The following DCC variants were observed in gnomAD, a reference collection of about 807,000 sequenced individuals.
The protein encoded by DCC is netrin receptor DCC.
In DCC, 58 loss-of-function variants were observed where a neutral mutation model predicts 172.5. That is an observed-to-expected ratio of 0.34 (90% CI 0.27 to 0.42). The LOEUF (loss-of-function observed/expected upper bound fraction) is 0.42. DCC is among the 10% of genes least tolerant of loss of function. The pLI is 1.00. For synonymous variants in DCC, 709 were observed against 644.5 expected, an observed-to-expected ratio of 1.10 and a Z score of -1.52; for missense variants, 1,740 against 1,791.0, an observed-to-expected ratio of 0.97 and a Z score of 0.51.
intron 27 of DCC, among the ~76,000 whole-genome samples, chr18:53,504,157 T>C (rs2046140076): frequency 6.6e-6 from 1 of 152,316 alleles, no homozygotes; most frequent in South Asian, 2.1e-4. Context: ...TTGGCAGGCC[T>C]TATTTCAGTA....
intron 28 of DCC, among the ~76,000 whole-genome samples, chr18:53,529,729 A>T (rs2046504458): frequency 6.6e-6 from 1 of 152,146 alleles, no homozygotes; most frequent in Non-Finnish European, 1.5e-5. Context: ...TTTAATTAGG[A>T]TGTCTAGGTT....
chr18:52,631,806 G>GAAGGACTC (rs967193347), intron 1 of DCC, among the ~76,000 whole-genome samples: 2 of 152,182 alleles, frequency 1.3e-5, no homozygotes, highest in African/African-American at 4.8e-5. Context: ...TTGGCCAAAT[G>GAAGGACTC]AAGGACTCAA....
At chr18:52,450,875 C>G (rs1348063049) in intron 1 of DCC, among the ~76,000 whole-genome samples, 1 of 151,728 alleles carries the variant, frequency 6.6e-6, no homozygotes, top group East Asian at 1.9e-4. Context: ...GAAAATTAAC[C>G]AAAAAAATCC....
rs1909182709 is a variant in DCC at position 53,399,641 on chromosome 18, ACG to A, written c.2827+2197_2827+2198del. 8.0e-3 allele frequency among the ~76,000 whole-genome samples: 6 copies of A among 754 alleles called. 3 individuals are homozygous for A. Among genetic ancestry groups the A allele is most frequent in the Admixed American group, 0.5 (2 of 4 alleles). 0.5% of individuals were successfully genotyped at this position (754 alleles called of 152,430 possible). On this transcript the variant is annotated intron_variant, in intron 18 of 28. Coordinates refer to ENST00000442544, the MANE Select transcript of DCC (RefSeq NM_005215.4). Reference sequence around the variant, plus strand: ...CAGAGGGGGCCGGGCGCGGTGGCTCACGCCTGTAATCCCAGCACTTTGGGAGG... The same window carrying A: ...CAGAGGGGGCCGGGCGCGGTGGCTCACCTGTAATCCCAGCACTTTGGGAGG...
At chr18:52,858,808 T>A (rs1455161394) in intron 2 of DCC, among the ~76,000 whole-genome samples, 1 of 152,112 alleles carries the variant, frequency 6.6e-6, no homozygotes, top group East Asian at 1.9e-4. Context: ...GAAGAGTGGG[T>A]CATTTGTGTG....
At chr18:52,804,953 G>A (rs995683559) in intron 2 of DCC, among the ~76,000 whole-genome samples, 2 of 152,126 alleles carry the variant, frequency 1.3e-5, no homozygotes, top group South Asian at 4.1e-4. Flanking sequence ...TATGACAACA[G>A]ATAAAATACA....
chr18:53,103,596 GC>G (rs1403272934), intron 7 of DCC, among the ~76,000 whole-genome samples: 4 of 151,968 alleles, frequency 2.6e-5, no homozygotes, highest in Admixed American at 1.3e-4. Context: ...AAAATTTAAA[GC>G]CAATAGTTGT....
At chr18:53,053,222 GC>G (rs1332035908) in intron 5 of DCC, among the ~76,000 whole-genome samples, 1 of 152,006 alleles carries the variant, frequency 6.6e-6, no homozygotes, top group Non-Finnish European at 1.5e-5. Flanking sequence ...TCATAATTTT[GC>G]ATTCATTGAT....
intron 2 of DCC, among the ~76,000 whole-genome samples, chr18:52,808,689 C>G (rs191039108): frequency 6.6e-6 from 1 of 152,134 alleles, no homozygotes; most frequent in East Asian, 1.9e-4. Flanking sequence ...AGAAGTTTCC[C>G]TGTTGTACGG....
intron 3 of DCC, among the ~76,000 whole-genome samples, chr18:52,923,096 T>C (rs1215573988): frequency 2.0e-5 from 3 of 152,088 alleles, no homozygotes; most frequent in Non-Finnish European, 4.4e-5. Context: ...ACTCACTCTT[T>C]GAAATGTTGT....
intron 25 of DCC, among the ~76,000 whole-genome samples, chr18:53,477,977 A>G (rs1038040042): frequency 6.6e-6 from 1 of 152,218 alleles, no homozygotes; most frequent in East Asian, 1.9e-4. Flanking sequence ...TTCTTACTAT[A>G]ATGAAATTAA....
chr18:53,527,288 AG>A (rs1387882510), intron 28 of DCC, among the ~76,000 whole-genome samples: 1 of 151,678 alleles, frequency 6.6e-6, no homozygotes, highest in Non-Finnish European at 1.5e-5. Context: ...GCACAATCAT[AG>A]TGCACTACAG....
chr18:52,385,260 A>G (rs1016548734), intron 1 of DCC, among the ~76,000 whole-genome samples: 22 of 152,052 alleles, frequency 1.4e-4, no homozygotes, highest in African/African-American at 5.1e-4. Flanking sequence ...TTTTGAAATT[A>G]CACATTTTTA....
At chr18:52,425,798 G>A (rs1319202167) in intron 1 of DCC, among the ~76,000 whole-genome samples, 1 of 152,136 alleles carries the variant, frequency 6.6e-6, no homozygotes, top group Non-Finnish European at 1.5e-5. Context: ...TAGAAATTAT[G>A]TGACTTTGGC....
intron 9 of DCC, among the ~76,000 whole-genome samples, chr18:53,186,166 T>G (rs2055279708): frequency 6.6e-6 from 1 of 152,170 alleles, no homozygotes; most frequent in Admixed American, 6.6e-5. Context: ...TCTAGAAAAT[T>G]TATCTGCTTC....
chr18:53,375,223 G>A (rs548649604), intron 15 of DCC, among the ~76,000 whole-genome samples: 2 of 138,526 alleles, frequency 1.4e-5, no homozygotes, highest in African/African-American at 2.4e-5. Context: ...TTCCTTCCTA[G>A]CCTCTCTGTA....
chr18:53,210,809 T>TC (rs1568367488), intron 11 of DCC, among the ~76,000 whole-genome samples: 3 of 152,204 alleles, frequency 2.0e-5, no homozygotes, highest in South Asian at 4.1e-4. Flanking sequence ...TGTTTTTTTT[T>TC]CCCTGTTCTA....
At chr18:52,618,176 T>C (rs900454693) in intron 1 of DCC, among the ~76,000 whole-genome samples, 5 of 152,096 alleles carry the variant, frequency 3.3e-5, no homozygotes, top group Non-Finnish European at 5.9e-5. Flanking sequence ...AGAAGGGAAA[T>C]TCTCATCACC....
At chr18:53,344,750 T>A in intron 15 of DCC, among the ~76,000 whole-genome samples, 1 of 151,936 alleles carries the variant, frequency 6.6e-6, no homozygotes. Flanking sequence ...AAATTTGAGT[T>A]ATTAATAGCA....
Sources: allele counts gnomAD v4.1 joint callset (sites outside exome capture counted in the v4.1 genomes callset), GRCh38; gene constraint gnomAD v4.1.1; transcripts MANE v1.5; gene names NCBI Gene and HGNC (gene_info 2026-07-23, HGNC 2026-07-21).